The following ARHGAP39 variants were observed in gnomAD, a reference collection of about 807,000 sequenced individuals.
ARHGAP39 encodes rho GTPase-activating protein 39.
Under a neutral mutation model 106.9 loss-of-function variants are expected in ARHGAP39, and 44 were observed. The ratio of observed to expected loss-of-function variants is 0.41; its 90% confidence interval spans 0.32 to 0.53. The LOEUF (loss-of-function observed/expected upper bound fraction) is 0.53, where lower values mean the gene tolerates loss of function less well. Ranked by LOEUF, ARHGAP39 falls within the 20% of genes least tolerant of loss-of-function variation. The pLI is 0.21. For synonymous variants in ARHGAP39, 768 were observed against 693.2 expected, an observed-to-expected ratio of 1.11 and a Z score of -1.69; for missense variants, 1,496 against 1,577.3, an observed-to-expected ratio of 0.95 and a Z score of 0.87.
upstream of ARHGAP39, among the ~76,000 whole-genome samples, chr8:144,689,193 G>A (rs1448311954): frequency 1.3e-5 from 2 of 151,746 alleles, no homozygotes; most frequent in Non-Finnish European, 2.9e-5. Flanking sequence ...GGTGCCCAGG[G>A]CTCGCCTGGC....
intron 6 of ARHGAP39, among the ~76,000 whole-genome samples, chr8:144,540,703 G>C (rs987933483): frequency 2.6e-5 from 4 of 152,098 alleles, no homozygotes; most frequent in Non-Finnish European, 5.9e-5. Context: ...GGGAGGCTGA[G>C]GTGGGAGGAT....
intron 1 of ARHGAP39, among the ~76,000 whole-genome samples, chr8:144,666,665 G>A (rs1170576327): frequency 6.6e-6 from 1 of 152,112 alleles, no homozygotes; most frequent in African/African-American, 2.4e-5. Context: ...TTCACCTCCC[G>A]CTATGATTCT....
chr8:144,535,144 C>A (rs1816903166), intron 7 of ARHGAP39, among the ~76,000 whole-genome samples: 2 of 152,158 alleles, frequency 1.3e-5, no homozygotes, highest in African/African-American at 4.8e-5. Context: ...GGATCCTGAC[C>A]CCCAATCGGA....
At position 144,581,144 on chromosome 8, in the gene ARHGAP39, G is replaced by C. The variant is rs1818972281; in HGVS notation, c.214C>G (p.Leu72Val). ...KRTSENQWWE[L>V]FDPNTSRFYY... is the part of the protein sequence containing the mutation. ...AAGCGGGACGTGTTGGGGTCGAACA[G>C]CTCCCACCACTGGTTCTCGCTGGTG... Residue 72 changes from leucine (L) to valine (V), a missense_variant, in exon 3 of 12, where the codon CTG becomes GTG. Leu to Val is a conservative substitution (Grantham distance 32). Transcript: ENST00000377307. 3 of 1,582,330 alleles carry C rather than the reference G, an allele frequency of 1.9e-6. No homozygotes were observed. Among genetic ancestry groups the C allele is most frequent in the Non-Finnish European group, 2.6e-6 (3 of 1,165,068 alleles).
At chr8:144,620,237 G>A (rs562809721) in intron 1 of ARHGAP39, among the ~76,000 whole-genome samples, 7 of 147,948 alleles carry the variant, frequency 4.7e-5, no homozygotes, top group South Asian at 2.2e-4. Flanking sequence ...GTGTGTGCCC[G>A]TGTCTGTTAG....
chr8:144,666,846 A>T (rs917924559), intron 1 of ARHGAP39, among the ~76,000 whole-genome samples: 1 of 152,148 alleles, frequency 6.6e-6, no homozygotes, highest in African/African-American at 2.4e-5. Flanking sequence ...GCCCCAATAC[A>T]GTGTTCAAAG....
intron 1 of ARHGAP39, among the ~76,000 whole-genome samples, chr8:144,616,190 A>T (rs1305537536): frequency 6.6e-6 from 1 of 152,208 alleles, no homozygotes; most frequent in Admixed American, 6.5e-5. Flanking sequence ...CAAGTTCCTG[A>T]GAGAGGCAGT....
chr8:144,533,211 G>T lies in ARHGAP39; in HGVS notation c.2803C>A (p.Pro935Thr). The change falls in exon 9 of 12, where the codon CCC becomes ACC. Residue 935 changes from proline to threonine, a missense_variant. By Grantham distance (38) the Pro-to-Thr change is conservative. Coordinates refer to ENST00000377307, the MANE Select transcript of ARHGAP39 (RefSeq NM_025251.3). The part of the protein sequence containing the change: ...EVMGMQRERY[P>T]ERQLPWVQTR... ...TGCACCCAGGGCAGCTGGCGCTCGGGGTAGCGCTCTCTCTGCATGCCCATG... is the reference window on the plus strand; with the variant it reads ...TGCACCCAGGGCAGCTGGCGCTCGGTGTAGCGCTCTCTCTGCATGCCCATG... 1 of 1,612,864 alleles carries T rather than the reference G, an allele frequency of 6.2e-7. No individual in the cohort carries two copies. Among genetic ancestry groups the T allele is most frequent in the Non-Finnish European group, 8.5e-7 (1 of 1,179,988 alleles).
chr8:144,632,209 T>A (rs893616735), intron 1 of ARHGAP39, among the ~76,000 whole-genome samples: 2 of 152,204 alleles, frequency 1.3e-5, no homozygotes, highest in African/African-American at 4.8e-5. Flanking sequence ...CCATGCACTG[T>A]GAGTACACAA....
rs147513432 is a variant in ARHGAP39, at chr8:144,545,434, C to G, written c.2336G>C (p.Gly779Ala). The change falls in exon 6 of 12, where the codon GGC (glycine) becomes GCC (alanine). Residue 779 changes from glycine (G) to alanine (A), a missense_variant. Coordinates refer to ENST00000377307, the MANE Select transcript of ARHGAP39 (RefSeq NM_025251.3). ...CTGGATGTAGAGCTCGTCCCGCAGG[C>G]CCTGCACGCTCCAGCCCTTGGTGGC... ...EVATKGWSVQ[G>A]LRDELYIQLC... The G allele has an allele frequency of 4.0e-5, 63 of 1,591,530 alleles. No individual in the cohort carries two copies. The African/African-American group carries it at 7.6e-4, about 19-fold the overall frequency.
intron 3 of ARHGAP39, among the ~76,000 whole-genome samples, chr8:144,576,826 T>C (rs1818796465): frequency 6.6e-6 from 1 of 152,162 alleles, no homozygotes; most frequent in African/African-American, 2.4e-5. Context: ...TTTCTTAAAA[T>C]GATTCACGAT....
intron 6 of ARHGAP39, among the ~76,000 whole-genome samples, chr8:144,539,561 A>C (rs1186557192): frequency 6.6e-6 from 1 of 152,206 alleles, no homozygotes; most frequent in Admixed American, 6.5e-5. Flanking sequence ...TTTACGAGTG[A>C]TCCATTTGCA....
rs1245314872 is a variant in ARHGAP39 at position 144,585,378 on chromosome 8, G to A, written c.81-4101C>T. On this transcript the variant is annotated intron_variant, in intron 2 of 11. Transcript: ENST00000377307. This position sits in a 1 kb window ranked among gnomAD's most constrained non-coding sequence, Gnocchi z 4.6. ...GAGAACCTGGAGGGGCCAGCCAAGG[G>A]TTCCCAGCACCGGCTCACCGAGAAC... 1.3e-5 allele frequency among the ~76,000 whole-genome samples: 2 copies of A among 150,172 alleles called. No homozygotes were observed. Among genetic ancestry groups the A allele is most frequent in the African/African-American group, 4.9e-5 (2 of 40,756 alleles).
In ARHGAP39 at chr8:144,548,063, C is replaced by T. The variant is rs1242693781; in HGVS notation, c.1023G>A (p.Gln341=). Residue 341 remains glutamine (Q), a synonymous_variant, in exon 5 of 12, where the codon CAG becomes CAA. Coordinates refer to ENST00000377307, the MANE Select transcript of ARHGAP39 (RefSeq NM_025251.3). This position sits in a 1 kb window ranked among gnomAD's most constrained non-coding sequence, Gnocchi z 7.4. The part of the protein sequence containing the change: ...DVQFEAGGGY[Q]AGSPQRSPGR... The stretch of plus-strand genomic sequence containing the variant: ...CCGGCGACCGCTGGGGAGAGCCGGC[C>T]TGGTAGCCCCCGCCAGCCTCGAATT... The T allele has an allele frequency of 3.1e-6, 5 of 1,595,638 alleles. No individual in the cohort carries two copies. Among genetic ancestry groups the T allele is most frequent in the East Asian group, 2.2e-5 (1 of 44,568 alleles).
chr8:144,626,758 G>A (rs112138914), intron 1 of ARHGAP39, among the ~76,000 whole-genome samples: 4,866 of 152,240 alleles, frequency 0.032, 234 homozygotes, highest in African/African-American at 0.11. Context: ...CCGGGGACAC[G>A]CCCGCGGCTC....
At chr8:144,677,442 G>A (rs952739579) in intron 1 of ARHGAP39, among the ~76,000 whole-genome samples, 2 of 152,232 alleles carry the variant, frequency 1.3e-5, no homozygotes, top group East Asian at 1.9e-4. Flanking sequence ...CTGATGTGAC[G>A]GAATAAACGG....
At position 144,591,400 on chromosome 8, in the gene ARHGAP39, C is replaced by T. The variant is rs995126707; in HGVS notation, c.81-10123G>A. On this transcript the variant is annotated intron_variant, in intron 2 of 11. Transcript: ENST00000377307. This position sits in a 1 kb window ranked among gnomAD's most constrained non-coding sequence, Gnocchi z 5.3. ...CATCTGCAGGAAACTTGTCTTGAGG[C>T]CTGGGGGGACCAAAGGTAGCAGGGC... is the stretch of plus-strand genomic sequence containing the variant. Among the ~76,000 whole-genome samples the T allele has an allele frequency of 6.6e-6, 1 of 152,204 alleles. No homozygotes were observed. Among genetic ancestry groups the T allele is most frequent in the Non-Finnish European group, 1.5e-5 (1 of 68,024 alleles).
chr8:144,673,328 C>T (rs916128422), intron 1 of ARHGAP39, among the ~76,000 whole-genome samples: 3 of 152,182 alleles, frequency 2.0e-5, no homozygotes, highest in Non-Finnish European at 4.4e-5. Context: ...AGCCTTCTGA[C>T]TCTCACCTTG....
chr8:144,602,569 T>C (rs1302783266), intron 2 of ARHGAP39, among the ~76,000 whole-genome samples: 2 of 140,450 alleles, frequency 1.4e-5, no homozygotes, highest in Non-Finnish European at 3.1e-5. Flanking sequence ...TGCGAGCTCG[T>C]GTACCTGTGT....
Sources: allele counts gnomAD v4.1 joint callset (sites outside exome capture counted in the v4.1 genomes callset), GRCh38; gene constraint gnomAD v4.1.1; non-coding constraint Gnocchi (gnomAD v3.1); transcripts MANE v1.5; gene names NCBI Gene and HGNC (gene_info 2026-07-23, HGNC 2026-07-21).